TANC2: variants seen among roughly 807,000 people sequenced by gnomAD.
TANC2 encodes protein TANC2.
Under a neutral mutation model 210.5 loss-of-function variants are expected in TANC2, and 26 were observed. The ratio of observed to expected loss-of-function variants is 0.12; its 90% CI spans 0.09 to 0.17. The LOEUF (loss-of-function observed/expected upper bound fraction) is 0.17. Ranked by LOEUF, TANC2 falls within the 10% of genes least tolerant of loss-of-function variation. The probability of loss-of-function intolerance (pLI) is 1.00; values close to 1 mark genes in which losing one functional copy is unlikely to be tolerated. For synonymous variants in TANC2, 931 were observed against 967.1 expected (o/e 0.96, Z 0.69); for missense variants, 2,129 against 2,608.9 (o/e 0.82, Z 4.01).
intron 2 of TANC2, among the ~76,000 whole-genome samples, chr17:63,055,571 A>G (rs2035739934): frequency 6.6e-6 from 1 of 151,880 alleles, no homozygotes; most frequent in Admixed American, 6.6e-5. Flanking sequence ...GATGTGAGTA[A>G]GTTCTATCAT....
intron 4 of TANC2, among the ~76,000 whole-genome samples, chr17:63,114,550 C>G (rs978877056): frequency 6.6e-6 from 1 of 152,114 alleles, no homozygotes; most frequent in Non-Finnish European, 1.5e-5. Context: ...GACACAACCC[C>G]GCGTAGAAAG....
intron 9 of TANC2, among the ~76,000 whole-genome samples, chr17:63,290,470 A>G (rs2044351257): frequency 6.6e-6 from 1 of 152,180 alleles, no homozygotes; most frequent in African/African-American, 2.4e-5. Context: ...ACTTGTTGTT[A>G]GGATGAAGTG....
At chr17:63,239,166 A>G (rs969868175) in intron 8 of TANC2, among the ~76,000 whole-genome samples, 2 of 151,642 alleles carry the variant, frequency 1.3e-5, no homozygotes, top group Admixed American at 6.6e-5. Flanking sequence ...AAAAAAAAAG[A>G]AAGAAATGAT....
chr17:63,166,475 A>C (rs943773899), intron 5 of TANC2, among the ~76,000 whole-genome samples: 1 of 152,230 alleles, frequency 6.6e-6, no homozygotes, highest in Non-Finnish European at 1.5e-5. Context: ...AAATCACTTA[A>C]TCGTAGAAGC....
chr17:63,190,545 A>G (rs1355858152), intron 5 of TANC2, among the ~76,000 whole-genome samples: 3 of 152,104 alleles, frequency 2.0e-5, no homozygotes, highest in Admixed American at 1.3e-4. Flanking sequence ...TTATATTTCC[A>G]TATAATTTTT....
At chr17:63,230,682 T>C (rs1380850886) in intron 7 of TANC2, among the ~76,000 whole-genome samples, 1 of 152,200 alleles carries the variant, frequency 6.6e-6, no homozygotes, top group Non-Finnish European at 1.5e-5. Flanking sequence ...GTGTTTGACT[T>C]CCATTTATGT....
intron 2 of TANC2, among the ~76,000 whole-genome samples, chr17:63,017,985 G>T (rs942088158): frequency 3.3e-5 from 5 of 151,650 alleles, no homozygotes; most frequent in Non-Finnish European, 5.9e-5. Flanking sequence ...CTAAAAAAAA[G>T]AATTAAAAAA....
intron 12 of TANC2, among the ~76,000 whole-genome samples, chr17:63,340,619 G>A (rs1270145627): frequency 4.6e-5 from 7 of 152,264 alleles, no homozygotes; most frequent in Middle Eastern, 3.4e-3. Flanking sequence ...TTTCTGTGAA[G>A]TTTAAATAAG....
intron 2 of TANC2, among the ~76,000 whole-genome samples, chr17:63,069,461 T>G (rs747511613): frequency 2.0e-5 from 3 of 152,174 alleles, no homozygotes; most frequent in Admixed American, 6.5e-5. Context: ...CTGTCACATG[T>G]GTTAGCTCAT....
intron 3 of TANC2, among the ~76,000 whole-genome samples, chr17:63,081,021 T>G (rs1160113732): frequency 6.6e-6 from 1 of 152,168 alleles, no homozygotes; most frequent in Admixed American, 6.5e-5. Context: ...TAGCATGTAT[T>G]TAGAACCTTT....
Position 63,238,025 on chromosome 17 carries a change from A to G in TANC2, c.981A>G (p.Gln327=), listed in dbSNP as rs1415799490. Residue 327 remains glutamine, a synonymous_variant, in exon 8 of 28, where the codon CAA becomes CAG. Coordinates refer to ENST00000689528, the Ensembl canonical transcript of TANC2. ...GAAATTTGGAAACAGTGTTATCTCA[A>G]TCAGTACAGTCTATTCCTTTGTATC... 51 of 1,557,878 alleles carry G rather than the reference A, an allele frequency of 3.3e-5. No individual in the cohort carries two copies. The highest frequency in any genetic ancestry group is 4.1e-5 in the Non-Finnish European group (47 of 1,150,096).
At chr17:63,192,592 T>C (rs1203259932) in intron 5 of TANC2, among the ~76,000 whole-genome samples, 1 of 152,112 alleles carries the variant, frequency 6.6e-6, no homozygotes, top group Non-Finnish European at 1.5e-5. Flanking sequence ...GAGCATAGAT[T>C]CTGGAGTCAG....
chr17:63,322,751 A>G (rs886130809), intron 11 of TANC2, among the ~76,000 whole-genome samples: 2 of 152,234 alleles, frequency 1.3e-5, no homozygotes, highest in African/African-American at 4.8e-5. Context: ...CTAAGATCAC[A>G]GAGAATTAAT....
At chr17:63,192,306 T>G (rs1231100822) in intron 5 of TANC2, among the ~76,000 whole-genome samples, 1 of 152,236 alleles carries the variant, frequency 6.6e-6, no homozygotes, top group Non-Finnish European at 1.5e-5. Context: ...TAGCAGTATC[T>G]AATATAGCCA....
chr17:62,987,300 G>GC (rs964628370), intron 1 of TANC2, among the ~76,000 whole-genome samples: 4 of 152,118 alleles, frequency 2.6e-5, no homozygotes, highest in African/African-American at 9.7e-5. Context: ...TAAAGATGGA[G>GC]CCCCCGTGCT....
chr17:63,217,500 A>G (rs567097947), intron 7 of TANC2, among the ~76,000 whole-genome samples: 6 of 152,346 alleles, frequency 3.9e-5, no homozygotes, highest in Non-Finnish European at 5.9e-5. Context: ...AAATTTGACA[A>G]TTTAGATTAA....
At chr17:63,161,550 T>G (rs1223376236) in intron 5 of TANC2, among the ~76,000 whole-genome samples, 1 of 152,166 alleles carries the variant, frequency 6.6e-6, no homozygotes, top group Non-Finnish European at 1.5e-5. Context: ...ATTCTGTGAC[T>G]CCAAGTTATC....
At chr17:63,309,638 A>C (rs1488235621) in intron 9 of TANC2, among the ~76,000 whole-genome samples, 1 of 152,192 alleles carries the variant, frequency 6.6e-6, no homozygotes, top group Non-Finnish European at 1.5e-5. Flanking sequence ...ATGAAACTTA[A>C]ATGGAGCATT....
intron 8 of TANC2, among the ~76,000 whole-genome samples, chr17:63,266,427 C>T (rs1474605698): frequency 6.6e-6 from 1 of 151,966 alleles, no homozygotes; most frequent in Non-Finnish European, 1.5e-5. Context: ...AATATCAGTA[C>T]CCAATGTCAA....
Sources: gnomAD v4.1 joint callset for allele counts (sites outside exome capture counted in the v4.1 genomes callset) on GRCh38, gnomAD v4.1.1 for gene constraint, MANE v1.5 for transcripts, NCBI Gene and HGNC (gene_info 2026-07-23, HGNC 2026-07-21) for gene names.